The following EYS variants were observed in gnomAD, a reference collection of about 807,000 sequenced individuals.
EYS encodes protein eyes shut homolog.
Under a neutral mutation model 282.1 loss-of-function variants are expected in EYS, and 250 were observed. That is an observed-to-expected ratio of 0.89 (90% confidence interval 0.80 to 0.98). The LOEUF is 0.98. Among genes scored for constraint, EYS ranks in the 50% least tolerant of loss-of-function variants. The pLI, the probability that EYS is intolerant of heterozygous loss-of-function variation, is 0.00. For missense variants in EYS, 4,016 were observed against 3,709.0 expected (o/e 1.08, Z -2.15); for synonymous variants, 1,355 against 1,282.9 (o/e 1.06, Z -1.20).
intron 2 of EYS, among the ~76,000 whole-genome samples, chr6:65,533,177 A>G (rs934171432): frequency 9.9e-5 from 15 of 152,146 alleles, no homozygotes; most frequent in Non-Finnish European, 1.5e-4. Flanking sequence ...CAGAAATACA[A>G]ATTACCCTCA....
chr6:65,465,823 T>A (rs1023194845), intron 5 of EYS, among the ~76,000 whole-genome samples: 1 of 151,816 alleles, frequency 6.6e-6, no homozygotes, highest in Non-Finnish European at 1.5e-5. Context: ...CTCTACAAAA[T>A]TTTTTAAATC....
intron 22 of EYS, among the ~76,000 whole-genome samples, chr6:64,764,802 G>A (rs1773271759): frequency 6.6e-6 from 1 of 152,126 alleles, no homozygotes; most frequent in South Asian, 2.1e-4. Context: ...GCAATGGTAT[G>A]ATCTTGGCTC....
At chr6:65,442,787 A>T (rs369571739) in intron 5 of EYS, among the ~76,000 whole-genome samples, 1,564 of 104,976 alleles carry the variant, frequency 0.015, 261 homozygotes, top group East Asian at 0.027. Flanking sequence ...AAATTAAAAA[A>T]AAATATATAG....
chr6:64,422,539 A>G (rs1296567345), intron 28 of EYS, among the ~76,000 whole-genome samples: 1 of 152,230 alleles, frequency 6.6e-6, no homozygotes, highest in Non-Finnish European at 1.5e-5. Context: ...GGGAGGAAAC[A>G]TGGAACTTTC....
At chr6:64,799,848 C>G (rs1462556355) in intron 22 of EYS, among the ~76,000 whole-genome samples, 2 of 151,742 alleles carry the variant, frequency 1.3e-5, no homozygotes, top group Non-Finnish European at 3.0e-5. Context: ...TCTGCAGTTT[C>G]TTTAGAGTAA....
intron 12 of EYS, among the ~76,000 whole-genome samples, chr6:65,202,800 G>A (rs56018406): frequency 0.14 from 21,343 of 152,092 alleles, 1,912 homozygotes; most frequent in Non-Finnish European, 0.19. Context: ...TTGCCAGAGT[G>A]GATGCCAGAG....
At chr6:65,619,688 GT>G (rs1421945822) in intron 2 of EYS, among the ~76,000 whole-genome samples, 19 of 151,220 alleles carry the variant, frequency 1.3e-4, no homozygotes, top group African/African-American at 4.6e-4. Flanking sequence ...TTGGCTGTGG[GT>G]TTGTCATAGA....
At chr6:65,467,401 C>T (rs763444300) in intron 5 of EYS, among the ~76,000 whole-genome samples, 4 of 151,826 alleles carry the variant, frequency 2.6e-5, no homozygotes, top group Admixed American at 1.3e-4. Flanking sequence ...TGATGCCCAA[C>T]ATTCAATGCC....
chr6:64,695,139 A>T (rs1405994448), intron 22 of EYS, among the ~76,000 whole-genome samples: 2 of 151,648 alleles, frequency 1.3e-5, no homozygotes, highest in Non-Finnish European at 2.9e-5. Flanking sequence ...GCCCCATCCA[A>T]CCCACCCTAG....
intron 13 of EYS, among the ~76,000 whole-genome samples, chr6:65,056,740 T>G (rs535486048): frequency 6.6e-6 from 1 of 152,138 alleles, no homozygotes; most frequent in Non-Finnish European, 1.5e-5. Flanking sequence ...ATATTACATA[T>G]TTGTTAGAAC....
chr6:64,082,099 G>A, intron 31 of EYS, 97 bp from the exon 32 acceptor site: 1 of 747,890 alleles, frequency 1.3e-6, no homozygotes, highest in Non-Finnish European at 2.1e-6. Flanking sequence ...CATTTGAAAA[G>A]GTAACACTAG....
chr6:64,435,090 G>A (rs762324243), intron 28 of EYS, among the ~76,000 whole-genome samples: 37 of 152,070 alleles, frequency 2.4e-4, no homozygotes, highest in Non-Finnish European at 2.5e-4. Context: ...TTGTTATTTA[G>A]GAGATTAAAA....
intron 31 of EYS, among the ~76,000 whole-genome samples, chr6:64,111,754 T>C (rs1773212776): frequency 6.6e-6 from 1 of 152,044 alleles, no homozygotes; most frequent in Admixed American, 6.6e-5. Context: ...GGTGATGACA[T>C]GGAGATGACA....
intron 28 of EYS, among the ~76,000 whole-genome samples, chr6:64,399,513 C>T (rs1457136952): frequency 1.3e-5 from 2 of 151,772 alleles, no homozygotes; most frequent in Non-Finnish European, 2.9e-5. Flanking sequence ...GGGAAGTCAT[C>T]TCACCCTTGT....
intron 33 of EYS, among the ~76,000 whole-genome samples, chr6:64,002,167 G>C (rs888754202): frequency 6.6e-6 from 1 of 152,204 alleles, no homozygotes; most frequent in East Asian, 1.9e-4. Flanking sequence ...ATGCCAAGGG[G>C]AGTTTGGCTG....
At chr6:64,256,258 G>T (rs1768854407) in intron 30 of EYS, among the ~76,000 whole-genome samples, 1 of 151,984 alleles carries the variant, frequency 6.6e-6, no homozygotes, top group African/African-American at 2.4e-5. Context: ...CATGTAGAAT[G>T]TATGTGATTT....
intron 26 of EYS, among the ~76,000 whole-genome samples, chr6:64,501,109 A>C (rs1006126493): frequency 7.2e-6 from 1 of 139,716 alleles, no homozygotes; most frequent in African/African-American, 2.7e-5. Flanking sequence ...CTTTTTATTT[A>C]CTAATTTCAT....
chr6:64,689,076 C>A (rs1388254766), intron 22 of EYS, among the ~76,000 whole-genome samples: 1 of 152,120 alleles, frequency 6.6e-6, no homozygotes, highest in East Asian at 1.9e-4. Context: ...AAAACCCCAT[C>A]GTCTCAGCCC....
chr6:65,158,684 C>A (rs1764783326), intron 12 of EYS, among the ~76,000 whole-genome samples: 1 of 150,758 alleles, frequency 6.6e-6, no homozygotes, highest in African/African-American at 2.4e-5. Flanking sequence ...TTATTCATAA[C>A]CTGGGTATCT....
Sources: allele counts gnomAD v4.1 joint callset (sites outside exome capture counted in the v4.1 genomes callset), GRCh38; gene constraint gnomAD v4.1.1; transcripts MANE v1.5; gene names NCBI Gene and HGNC (gene_info 2026-07-23, HGNC 2026-07-21).